SETD3: variants seen among roughly 807,000 people sequenced by gnomAD.
SETD3 encodes the protein SET domain containing 3, actin N3(tau)-histidine methyltransferase.
Under a neutral mutation model 63.0 loss-of-function variants are expected in SETD3, and 19 were observed. The observed-to-expected ratio is 0.30, with a 90% confidence interval of 0.21 to 0.44. The LOEUF (loss-of-function observed/expected upper bound fraction) is 0.44, where lower values mean the gene tolerates loss of function less well. Among genes scored for constraint, SETD3 ranks in the 20% least tolerant of loss-of-function variants. SETD3 has a pLI of 1.00. For synonymous variants in SETD3, 286 were observed against 264.1 expected, an observed-to-expected ratio of 1.08 and a Z score of -0.80; for missense variants, 587 against 728.5, an observed-to-expected ratio of 0.81 and a Z score of 2.24.
intron 4 of SETD3, among the ~76,000 whole-genome samples, chr14:99,459,625 A>G (rs1301831984): frequency 6.6e-6 from 1 of 152,236 alleles, no homozygotes; most frequent in Non-Finnish European, 1.5e-5. Flanking sequence ...TTGAAGCCAG[A>G]GTAACATTCC....
At chr14:99,405,528 C>T (rs944706243) in intron 9 of SETD3, among the ~76,000 whole-genome samples, 157 bp from the exon 10 acceptor site, 6 of 152,166 alleles carry the variant, frequency 3.9e-5, no homozygotes, top group Admixed American at 6.5e-5. Flanking sequence ...AAGGGTGAAG[C>T]TGTGCAATTT....
At chr14:99,447,699 T>C (rs1595225013) in intron 6 of SETD3, among the ~76,000 whole-genome samples, 1 of 152,304 alleles carries the variant, frequency 6.6e-6, no homozygotes, top group Non-Finnish European at 1.5e-5. Context: ...TAAGTCCTAG[T>C]TTTTTCAGTC....
intron 6 of SETD3, among the ~76,000 whole-genome samples, chr14:99,452,892 G>A (rs1458641362): frequency 6.6e-6 from 1 of 152,180 alleles, no homozygotes; most frequent in African/African-American, 2.4e-5. Flanking sequence ...GCAGAGTTTG[G>A]TACAGGCCCC....
intron 6 of SETD3, among the ~76,000 whole-genome samples, chr14:99,423,998 TA>T (rs1436882757): frequency 6.6e-6 from 1 of 152,206 alleles, no homozygotes; most frequent in East Asian, 1.9e-4. Flanking sequence ...CTCACATTGT[TA>T]AGAATGATAC....
intron 6 of SETD3, among the ~76,000 whole-genome samples, chr14:99,427,546 G>A (rs1381774441): frequency 6.6e-6 from 1 of 152,156 alleles, no homozygotes; most frequent in African/African-American, 2.4e-5. Flanking sequence ...TTATTTTATA[G>A]AAAACGATAA....
upstream of SETD3, among the ~76,000 whole-genome samples, chr14:99,483,064 A>G (rs1896394015): frequency 6.6e-6 from 1 of 152,362 alleles, no homozygotes; most frequent in Non-Finnish European, 1.5e-5. Flanking sequence ...GAAAAATCCT[A>G]AAAGTACAGT....
chr14:99,481,662 T>C (rs771019647), upstream of SETD3: 146 of 388,284 alleles, frequency 3.8e-4, no homozygotes, highest in Non-Finnish European at 6.0e-4. Context: ...GGCGGGCGTG[T>C]AGAGAGGGTC....
chr14:99,477,386 G>A (rs1203500776), intron 1 of SETD3, among the ~76,000 whole-genome samples: 4 of 152,174 alleles, frequency 2.6e-5, no homozygotes, highest in African/African-American at 9.7e-5. Context: ...TCTCTGGCTT[G>A]AGTTAAAAAG....
At chr14:99,442,971 G>A (rs184043497) in intron 6 of SETD3, among the ~76,000 whole-genome samples, 5 of 152,254 alleles carry the variant, frequency 3.3e-5, no homozygotes, top group South Asian at 2.1e-4. Flanking sequence ...TGACGCGGAC[G>A]GGACGCTGAT....
At chr14:99,465,994 A>G (rs1004050074) in intron 1 of SETD3, among the ~76,000 whole-genome samples, 181 bp from the exon 2 acceptor site, 2 of 136,472 alleles carry the variant, frequency 1.5e-5, no homozygotes, top group African/African-American at 2.5e-5. Context: ...CTCAAATGGG[A>G]AAAAAAAAAA....
Position 99,465,695 on chromosome 14 carries a change from G to C in SETD3, c.103+8C>G, listed in dbSNP as rs201325466. On this transcript the variant is annotated splice_region_variant and intron_variant, in intron 2 of 12. Coordinates refer to ENST00000331768, the MANE Select transcript of SETD3 (RefSeq NM_032233.3). The stretch of plus-strand genomic sequence containing the variant: ...ATCAAGGCAGGGAGAGCCCAGAGGA[G>C]GACTTACTCTGCAGCAGCTCACTGG... The C allele has an allele frequency of 5.6e-4, 896 of 1,610,114 alleles. 1 individual carries two copies. The highest frequency in any genetic ancestry group is 7.1e-4 in the Non-Finnish European group (834 of 1,176,660).
rs1466121247 is a variant in SETD3, at chr14:99,423,111, T to C, written c.676-9177A>G. ...AACACTGTCCCTGGGTTGTTCTAGA[T>C]ACAGCCAAATTACTGTTCTCACCTA... is the stretch of plus-strand genomic sequence containing the variant. On this transcript the variant is annotated intron_variant, in intron 6 of 12. Transcript: ENST00000331768. Among the ~76,000 whole-genome samples the C allele has an allele frequency of 2.6e-5, 4 of 152,192 alleles. 1 individual carries two copies. Among genetic ancestry groups the C allele is most frequent in the Non-Finnish European group, 5.9e-5 (4 of 68,020 alleles).
intron 1 of SETD3, among the ~76,000 whole-genome samples, chr14:99,480,378 C>T (rs1288124012): frequency 6.6e-6 from 1 of 151,940 alleles, no homozygotes; most frequent in African/African-American, 2.4e-5. Context: ...GAGAGCGCTG[C>T]CTGCACCTGG....
chr14:99,416,777 A>G (rs541726573), intron 6 of SETD3, among the ~76,000 whole-genome samples: 1 of 152,300 alleles, frequency 6.6e-6, no homozygotes, highest in East Asian at 1.9e-4. Context: ...TAAGTGATTA[A>G]TATTTTTACT....
rs1465115738 is a variant in SETD3 at position 99,398,595 on chromosome 14, A to C, written c.*84T>G. 4 of 1,299,772 alleles carry C rather than the reference A, an allele frequency of 3.1e-6. No individual in the cohort carries two copies. Among genetic ancestry groups the C allele is most frequent in the South Asian group, 1.4e-5 (1 of 69,832 alleles). 80.5% of individuals were successfully genotyped at this position (1,299,772 alleles called of 1,614,324 possible). On this transcript the variant is annotated 3_prime_UTR_variant, in exon 13 of 13. Coordinates refer to ENST00000331768, the MANE Select transcript of SETD3 (RefSeq NM_032233.3). ...TATCTTCCTCTCTGCAGAAAGAAAA[A>C]TGTTAACAAGGAAACACAGCGATGT... is the stretch of plus-strand genomic sequence containing the variant.
intron 6 of SETD3, among the ~76,000 whole-genome samples, chr14:99,414,837 T>C (rs1390237846): frequency 6.6e-6 from 1 of 152,198 alleles, no homozygotes; most frequent in Non-Finnish European, 1.5e-5. Context: ...GAGATACAAA[T>C]GAAATCCTGC....
chr14:99,480,351 A>C (rs2139834789), intron 1 of SETD3, among the ~76,000 whole-genome samples: 1 of 151,986 alleles, frequency 6.6e-6, no homozygotes, highest in South Asian at 2.1e-4. Flanking sequence ...GGCCGGGGAC[A>C]GCGGGGCAAG....
chr14:99,452,699 T>C lies in SETD3; in HGVS notation c.675+5580A>G, dbSNP rs113848409. Among the ~76,000 whole-genome samples the C allele has an allele frequency of 3.4e-3, 515 of 152,318 alleles. 3 individuals are homozygous for C. The highest frequency in any genetic ancestry group is 0.014 in the Middle Eastern group (4 of 294). On this transcript the variant is annotated intron_variant, in intron 6 of 12. Transcript: ENST00000331768. ...GCAAGCTGTAAGGTTGAATGGACTA[T>C]TATCACTTCTCCATGCTCCTCTCCC... is the stretch of plus-strand genomic sequence containing the variant.
At chr14:99,484,952 A>G (rs1189552736), upstream of SETD3, among the ~76,000 whole-genome samples, 1 of 152,196 alleles carries the variant, frequency 6.6e-6, no homozygotes, top group African/African-American at 2.4e-5. Context: ...ATGGATTTTC[A>G]TTTTGCAGAG....
Sources: allele counts gnomAD v4.1 joint callset (sites outside exome capture counted in the v4.1 genomes callset), GRCh38; gene constraint gnomAD v4.1.1; transcripts MANE v1.5; gene names NCBI Gene and HGNC (gene_info 2026-07-23, HGNC 2026-07-21).